The following RASGEF1C variants were observed in gnomAD, a reference collection of about 807,000 sequenced individuals.
The protein encoded by RASGEF1C is RasGEF domain family member 1C, also known as ras-GEF domain-containing family member 1C.
Under a neutral mutation model 58.1 loss-of-function variants are expected in RASGEF1C, and 27 were observed. That is an observed-to-expected ratio of 0.46 (90% confidence interval 0.34 to 0.64). The LOEUF (loss-of-function observed/expected upper bound fraction) is 0.64, where lower values mean the gene tolerates loss of function less well. Among genes scored for constraint, RASGEF1C ranks in the 30% least tolerant of loss-of-function variants. The pLI is 0.01. For synonymous variants in RASGEF1C, 243 were observed against 246.3 expected (o/e 0.99, Z 0.13); for missense variants, 502 against 605.1 (o/e 0.83, Z 1.79).
At chr5:180,163,255 A>ATTTTTTTTTTTTTTTTTTTCTTTTTTTTT (rs1766973565) in intron 1 of RASGEF1C, among the ~76,000 whole-genome samples, 1 of 11,734 alleles carries the variant, frequency 8.5e-5, no homozygotes, top group Non-Finnish European at 2.4e-4. Flanking sequence ...TTTTTTTTCC[A>ATTTTTTTTTTTTTTTTTTTCTTTTTTTTT]GCCTATTGCA....
chr5:180,143,644 C>T lies in RASGEF1C; in HGVS notation c.-6-5586G>A, dbSNP rs965601248. ...CAGGACATCCAGGACTCCTGACTTACGTTTCATATTGTGATTGTAAGGGTG... is the reference window on the plus strand; with the variant it reads ...CAGGACATCCAGGACTCCTGACTTATGTTTCATATTGTGATTGTAAGGGTG... On this transcript the variant is annotated intron_variant, in intron 1 of 13. Transcript: ENST00000361132. The surrounding 1 kb of genome is among the most constrained non-coding windows in gnomAD (Gnocchi z 4.3). Among the ~76,000 whole-genome samples, 5 of 152,182 alleles carry T rather than the reference C, an allele frequency of 3.3e-5. No individual in the cohort carries two copies. The highest frequency in any genetic ancestry group is 9.7e-5 in the African/African-American group (4 of 41,438).
Position 180,158,023 on chromosome 5 carries a change from C to T in RASGEF1C, c.-6-19965G>A, listed in dbSNP as rs775643527. Among the ~76,000 whole-genome samples, 1 of 152,068 alleles carries T rather than the reference C, an allele frequency of 6.6e-6. No individual in the cohort carries two copies. The highest frequency in any genetic ancestry group is 1.5e-5 in the Non-Finnish European group (1 of 68,028). On this transcript the variant is annotated intron_variant, in intron 1 of 13. Transcript: ENST00000361132. The surrounding 1 kb of genome is among the most constrained non-coding windows in gnomAD (Gnocchi z 4.0). ...ACAAACATACCATTCTGGTGGGTGA[C>T]GTCGATAATGGGGGAGGCTCTGCAT...
At chr5:180,123,920 T>C (rs1471752943) in intron 6 of RASGEF1C, among the ~76,000 whole-genome samples, 1 of 152,118 alleles carries the variant, frequency 6.6e-6, no homozygotes, top group Non-Finnish European at 1.5e-5. Flanking sequence ...TTACAAATAA[T>C]TGTATGTCTA....
intron 12 of RASGEF1C, among the ~76,000 whole-genome samples, chr5:180,104,229 G>A (rs374485443): frequency 3.3e-5 from 5 of 152,122 alleles, no homozygotes; most frequent in East Asian, 3.9e-4. Flanking sequence ...ACATAATCCC[G>A]AATGCAACAG....
chr5:180,101,821 C>T (rs1214358182), intron 13 of RASGEF1C, among the ~76,000 whole-genome samples: 1 of 152,224 alleles, frequency 6.6e-6, no homozygotes, highest in African/African-American at 2.4e-5. Flanking sequence ...ATCTTGACTG[C>T]ACACAGAGGC....
Position 180,207,855 on chromosome 5 carries a change from C to T in RASGEF1C, c.-7+1173G>A, listed in dbSNP as rs367684619. Among the ~76,000 whole-genome samples the T allele has an allele frequency of 3.3e-5, 5 of 152,226 alleles. No individual in the cohort carries two copies. In the East Asian group the frequency reaches 9.7e-4, roughly 29 times the overall value. On this transcript the variant is annotated intron_variant, in intron 1 of 13. Transcript: ENST00000361132. ...TCCCCGCTCAGGACAGCCTCCCTGA[C>T]CAGACGAAGGCTCCGCCGCGCCCTG...
chr5:180,133,726 T>C (rs1005746247), intron 4 of RASGEF1C, among the ~76,000 whole-genome samples: 1 of 152,148 alleles, frequency 6.6e-6, no homozygotes, highest in African/African-American at 2.4e-5. Context: ...TTCGGCAAAA[T>C]ATTGTTGGAG....
chr5:180,135,975 G>A (rs1365754128), intron 4 of RASGEF1C, among the ~76,000 whole-genome samples: 1 of 152,224 alleles, frequency 6.6e-6, no homozygotes, highest in Non-Finnish European at 1.5e-5. Context: ...TCCCTGCCTA[G>A]CAGCACTGAC....
chr5:180,119,509 C>T (rs530648950), intron 7 of RASGEF1C, 61 bp from the exon 8 acceptor site: 21 of 1,309,598 alleles, frequency 1.6e-5, no homozygotes, highest in Middle Eastern at 1.8e-4. Context: ...TGATCAGGCC[C>T]GCTCCCCTCA....
intron 1 of RASGEF1C, among the ~76,000 whole-genome samples, chr5:180,159,653 C>G (rs1766906504): frequency 6.6e-6 from 1 of 152,204 alleles, no homozygotes; most frequent in South Asian, 2.1e-4. Flanking sequence ...GTGGGGAGAT[C>G]TAGGTAGGCC....
At chr5:180,121,212 A>G in intron 6 of RASGEF1C, 63 bp from the exon 7 acceptor site, 1 of 1,144,336 alleles carries the variant, frequency 8.7e-7, no homozygotes, top group Non-Finnish European at 1.3e-6. Flanking sequence ...CTTTTAGAGC[A>G]TGAAGTCAGT....
In RASGEF1C at chr5:180,143,928, G is replaced by T. The variant is rs1187314771; in HGVS notation, c.-6-5870C>A. On this transcript the variant is annotated intron_variant, in intron 1 of 13. Coordinates refer to ENST00000361132, the MANE Select transcript of RASGEF1C (RefSeq NM_175062.4). This position sits in a 1 kb window ranked among gnomAD's most constrained non-coding sequence, Gnocchi z 4.3. ...GGATGTTCTCCCTGGGCCAGGTGTG[G>T]CAGAAGGGACAGAGGTAAAGAAGGC... Among the ~76,000 whole-genome samples the T allele has an allele frequency of 6.6e-6, 1 of 152,174 alleles. No homozygotes were observed. Among genetic ancestry groups the T allele is most frequent in the Non-Finnish European group, 1.5e-5 (1 of 68,026 alleles).
At chr5:180,140,891 T>G (rs1766567235) in intron 1 of RASGEF1C, among the ~76,000 whole-genome samples, 1 of 152,052 alleles carries the variant, frequency 6.6e-6, no homozygotes, top group Admixed American at 6.6e-5. Context: ...CATGGGAGTA[T>G]ATGCTTAGGT....
intron 1 of RASGEF1C, among the ~76,000 whole-genome samples, chr5:180,191,662 G>C (rs1377466027): frequency 6.6e-6 from 1 of 152,208 alleles, no homozygotes; most frequent in Non-Finnish European, 1.5e-5. Flanking sequence ...GGCCACAGTG[G>C]CTTATTTATA....
Position 180,199,252 on chromosome 5 carries a change from G to A in RASGEF1C, c.-7+9776C>T, listed in dbSNP as rs79424079. ...TTTTAGGAAAGAGTCTGACAAATCC[G>A]GATTGTGGGAGAAAATGGACGCAAG... On this transcript the variant is annotated intron_variant, in intron 1 of 13. Coordinates refer to ENST00000361132, the MANE Select transcript of RASGEF1C (RefSeq NM_175062.4). Among the ~76,000 whole-genome samples the A allele has an allele frequency of 7.7e-3, 1,171 of 152,242 alleles. 12 individuals carry two copies. Among genetic ancestry groups the A allele is most frequent in the African/African-American group, 0.027 (1,123 of 41,536 alleles).
chr5:180,169,279 T>C (rs1767066211), intron 1 of RASGEF1C, among the ~76,000 whole-genome samples: 1 of 152,194 alleles, frequency 6.6e-6, no homozygotes, highest in South Asian at 2.1e-4. Flanking sequence ...TAAGCAAGAC[T>C]AGAACAGATC....
chr5:180,118,888 G>A (rs550233163), intron 8 of RASGEF1C, 22 bp from the exon 9 acceptor site: 2 of 1,610,800 alleles, frequency 1.2e-6, no homozygotes, highest in East Asian at 2.2e-5. Context: ...AGGAGGGTTG[G>A]AGAGGGCTGC....
chr5:180,176,758 A>G (rs562358794), intron 1 of RASGEF1C, among the ~76,000 whole-genome samples: 360 of 152,088 alleles, frequency 2.4e-3, no homozygotes, highest in Non-Finnish European at 3.9e-3. Flanking sequence ...GGGTTTCACC[A>G]TGTTGGCCAG....
rs146553500 is a variant in RASGEF1C at position 180,130,280 on chromosome 5, G to A, written c.439-1670C>T. ...AATTGAAGTGGCCTGCTTCCTCTGC[G>A]GGGTAGGGGGCAGGGGGCCCATGGA... On this transcript the variant is annotated intron_variant, in intron 4 of 13. Transcript: ENST00000361132. 9.2e-5 allele frequency among the ~76,000 whole-genome samples: 14 copies of A among 152,288 alleles called. 1 individual carries two copies. In the South Asian group the frequency reaches 2.5e-3, roughly 27 times the overall value.
Sources: allele counts gnomAD v4.1 joint callset (sites outside exome capture counted in the v4.1 genomes callset), GRCh38; gene constraint gnomAD v4.1.1; non-coding constraint Gnocchi (gnomAD v3.1); transcripts MANE v1.5; gene names NCBI Gene and HGNC (gene_info 2026-07-23, HGNC 2026-07-21).